Variants in PAM observed in about 807,000 individuals in gnomAD.
PAM encodes peptidyl-glycine alpha-amidating monooxygenase.
In PAM, 72 loss-of-function variants were observed where a neutral mutation model predicts 122.1. The observed-to-expected ratio is 0.59, with a 90% CI of 0.49 to 0.72. The LOEUF (loss-of-function observed/expected upper bound fraction) is 0.72, where lower values mean the gene tolerates loss of function less well. PAM is among the 30% of genes least tolerant of loss of function. The probability of loss-of-function intolerance (pLI) is 0.00; values close to 1 mark genes in which losing one functional copy is unlikely to be tolerated. For synonymous variants in PAM, 389 were observed against 404.4 expected, an observed-to-expected ratio of 0.96 and a Z score of 0.46; for missense variants, 1,106 against 1,183.7, an observed-to-expected ratio of 0.93 and a Z score of 0.96.
chr5:102,963,068 A>G (rs1762967726), intron 14 of PAM, among the ~76,000 whole-genome samples: 1 of 151,866 alleles, frequency 6.6e-6, no homozygotes, highest in East Asian at 1.9e-4. Flanking sequence ...GCTGTTACTC[A>G]TATGTTGAAA....
chr5:102,773,788 G>A (rs1017550270), intron 1 of PAM, among the ~76,000 whole-genome samples: 5 of 152,026 alleles, frequency 3.3e-5, no homozygotes, highest in Non-Finnish European at 5.9e-5. Flanking sequence ...AGGTAAACTC[G>A]TGTCACAGAG....
intron 1 of PAM, among the ~76,000 whole-genome samples, chr5:102,802,505 A>T (rs1482534937): frequency 6.6e-6 from 1 of 152,160 alleles, no homozygotes; most frequent in Non-Finnish European, 1.5e-5. Context: ...TTGGTTGCAG[A>T]AGAGGGCAGA....
chr5:102,938,575 C>T (rs1754052404), intron 7 of PAM, among the ~76,000 whole-genome samples: 1 of 151,926 alleles, frequency 6.6e-6, no homozygotes, highest in Non-Finnish European at 1.5e-5. Flanking sequence ...TTGAGAAATC[C>T]TTATGCTTTA....
chr5:102,773,622 G>A (rs897817315), intron 1 of PAM, among the ~76,000 whole-genome samples: 22 of 152,074 alleles, frequency 1.4e-4, no homozygotes, highest in African/African-American at 4.6e-4. Context: ...AGGGCATTTG[G>A]CTTGTGGGCC....
chr5:102,770,573 A>C (rs1277843326), intron 1 of PAM, among the ~76,000 whole-genome samples: 2 of 152,100 alleles, frequency 1.3e-5, no homozygotes, highest in Non-Finnish European at 2.9e-5. Flanking sequence ...TTTATCATGA[A>C]AGTACATTGA....
At chr5:102,903,613 G>C (rs901107335) in intron 4 of PAM, among the ~76,000 whole-genome samples, 1 of 151,446 alleles carries the variant, frequency 6.6e-6, no homozygotes, top group East Asian at 2.0e-4. Context: ...ACCTGCCATT[G>C]TTCACTAAGA....
At chr5:102,853,350 G>T (rs1781787670) in intron 1 of PAM, among the ~76,000 whole-genome samples, 1 of 152,094 alleles carries the variant, frequency 6.6e-6, no homozygotes, top group South Asian at 2.1e-4. Context: ...TTAGTGTTAG[G>T]AAGAGTATTT....
At chr5:102,864,186 T>TATATATATATATATA (rs34022235) in intron 1 of PAM, among the ~76,000 whole-genome samples, 1 of 119,722 alleles carries the variant, frequency 8.4e-6, no homozygotes, top group African/African-American at 3.7e-5. Context: ...ATATATATAT[T>TATATATATATATATA]TTTTTTTTTT....
intron 22 of PAM, among the ~76,000 whole-genome samples, chr5:103,018,299 A>C (rs928290736): frequency 3.3e-5 from 5 of 152,244 alleles, no homozygotes; most frequent in African/African-American, 1.2e-4. Flanking sequence ...AATATTAATT[A>C]TAAAAGGAAA....
chr5:102,826,989 G>T (rs951429081), intron 1 of PAM, among the ~76,000 whole-genome samples: 1 of 152,074 alleles, frequency 6.6e-6, no homozygotes, highest in African/African-American at 2.4e-5. Context: ...TACTTTTAAA[G>T]AAAAGAATGC....
chr5:102,949,510 T>G, intron 9 of PAM, 27 bp from the exon 10 acceptor site: 1 of 1,137,194 alleles, frequency 8.8e-7, no homozygotes, highest in Non-Finnish European at 1.3e-6. Context: ...GAATAGTGAC[T>G]TTTGTCTGTG....
chr5:102,878,409 T>A (rs898430302), intron 3 of PAM, among the ~76,000 whole-genome samples: 1 of 152,176 alleles, frequency 6.6e-6, no homozygotes, highest in Non-Finnish European at 1.5e-5. Flanking sequence ...TAGTACATAA[T>A]ACTTGATAAT....
intron 1 of PAM, among the ~76,000 whole-genome samples, chr5:102,824,732 T>C (rs553280267): frequency 6.6e-6 from 1 of 152,270 alleles, no homozygotes; most frequent in East Asian, 1.9e-4. Context: ...CAATATCAAA[T>C]ACAGGTGACA....
At chr5:102,982,363 C>T (rs904096180) in intron 15 of PAM, among the ~76,000 whole-genome samples, 5 of 152,162 alleles carry the variant, frequency 3.3e-5, no homozygotes, top group African/African-American at 1.2e-4. Flanking sequence ...GCATGCCACC[C>T]CTGGGCCCAA....
intron 13 of PAM, 57 bp downstream of exon 13, chr5:102,960,116 A>G (rs1762022496): frequency 4.1e-6 from 4 of 965,976 alleles, no homozygotes; most frequent in Non-Finnish European, 6.2e-6. Flanking sequence ...ATATTTTTGT[A>G]TGTATCTTGT....
rs566268706 is a variant in PAM at position 102,786,742 on chromosome 5, A to G, written c.-374+31394A>G. Among the ~76,000 whole-genome samples, 51 of 152,300 alleles carry G rather than the reference A, an allele frequency of 3.3e-4. No homozygotes were observed. The East Asian group carries it at 7.1e-3, about 21-fold the overall frequency. Reference sequence around the variant, plus strand: ...GGCTCCAGATTCTTCACAGCTTGAAATCTTACTTCATTCATCATTCTGAGC... The same window carrying G: ...GGCTCCAGATTCTTCACAGCTTGAAGTCTTACTTCATTCATCATTCTGAGC... On this transcript the variant is annotated intron_variant, in intron 1 of 25. Transcript: ENST00000438793.
intron 7 of PAM, among the ~76,000 whole-genome samples, chr5:102,935,527 G>C (rs1752960285): frequency 6.6e-6 from 1 of 152,028 alleles, no homozygotes; most frequent in Non-Finnish European, 1.5e-5. Flanking sequence ...ACCATGTATT[G>C]CTACTGCAGG....
At chr5:102,868,881 A>G (rs1413809369) in intron 3 of PAM, among the ~76,000 whole-genome samples, 1 of 152,242 alleles carries the variant, frequency 6.6e-6, no homozygotes, top group Non-Finnish European at 1.5e-5. Context: ...AAGAGATCTT[A>G]GAGGAATTGA....
chr5:102,959,868 C>A lies in PAM; in HGVS notation c.906-7C>A. On this transcript the variant is annotated splice_region_variant and splice_polypyrimidine_tract_variant and intron_variant, in intron 12 of 25. Coordinates refer to ENST00000438793, the MANE Select transcript of PAM (RefSeq NM_001177306.2). ...GTTGATTTGTTATATCTTTTTTTTG[C>A]CTGCAGTGGCACGTCTAGTGATGAA... The A allele has an allele frequency of 6.3e-7, 1 of 1,590,800 alleles. No individual in the cohort carries two copies. Among genetic ancestry groups the A allele is most frequent in the Non-Finnish European group, 8.6e-7 (1 of 1,164,568 alleles).
Sources: allele counts gnomAD v4.1 joint callset (sites outside exome capture counted in the v4.1 genomes callset), GRCh38; gene constraint gnomAD v4.1.1; transcripts MANE v1.5; gene names NCBI Gene and HGNC (gene_info 2026-07-23, HGNC 2026-07-21).